ADAMTS18: variants seen among roughly 807,000 people sequenced by gnomAD.
ADAMTS18 encodes ADAM metallopeptidase with thrombospondin type 1 motif 18.
Under a neutral mutation model 165.9 loss-of-function variants are expected in ADAMTS18, and 157 were observed. That is an observed-to-expected ratio of 0.95 (90% CI 0.83 to 1.08). The LOEUF is 1.08. Among genes scored for constraint, ADAMTS18 ranks in the 50% least tolerant of loss-of-function variants. ADAMTS18 has a pLI of 0.00. For missense variants in ADAMTS18, 2,040 were observed against 1,534.0 expected (o/e 1.33, Z -5.51); for synonymous variants, 782 against 578.2 (o/e 1.35, Z -5.06).
In ADAMTS18 at chr16:77,283,924, C is replaced by A. The variant is rs563300881; in HGVS notation, c.*32G>T. On this transcript the variant is annotated 3_prime_UTR_variant, in exon 23 of 23. Coordinates refer to ENST00000282849, the MANE Select transcript of ADAMTS18 (RefSeq NM_199355.4). ...TCTCTAGAGGTTGAAAGGTAAGCCCCTGGCCCTAAGGTGCTGGGGAGGACA... is the reference window on the plus strand; with the variant it reads ...TCTCTAGAGGTTGAAAGGTAAGCCCATGGCCCTAAGGTGCTGGGGAGGACA... The A allele has an allele frequency of 1.3e-6, 2 of 1,553,480 alleles. No individual in the cohort carries two copies. Among genetic ancestry groups the A allele is most frequent in the African/African-American group, 1.4e-5 (1 of 73,660 alleles).
intron 3 of ADAMTS18, among the ~76,000 whole-genome samples, chr16:77,417,196 C>T (rs1424540660): frequency 1.3e-5 from 2 of 151,960 alleles, no homozygotes; most frequent in Non-Finnish European, 2.9e-5. Context: ...TTCTTATAGT[C>T]TGTCATAATG....
intron 10 of ADAMTS18, among the ~76,000 whole-genome samples, chr16:77,346,038 T>G (rs1299581825): frequency 6.6e-6 from 1 of 152,156 alleles, no homozygotes; most frequent in Non-Finnish European, 1.5e-5. Context: ...AACACTCAAA[T>G]TTTGCTCCCA....
chr16:77,292,017 C>G (rs1051222454), intron 20 of ADAMTS18, among the ~76,000 whole-genome samples: 1 of 152,132 alleles, frequency 6.6e-6, no homozygotes, highest in African/African-American at 2.4e-5. Flanking sequence ...GGAAAAATAT[C>G]CTTTTAGGCT....
chr16:77,358,084 G>A (rs938993731), intron 8 of ADAMTS18, among the ~76,000 whole-genome samples: 1 of 152,156 alleles, frequency 6.6e-6, no homozygotes, highest in Non-Finnish European at 1.5e-5. Context: ...TGCTTTGTAT[G>A]AGAAGCATTG....
chr16:77,379,740 C>A (rs568322940), intron 3 of ADAMTS18, among the ~76,000 whole-genome samples: 1 of 152,232 alleles, frequency 6.6e-6, no homozygotes, highest in South Asian at 2.1e-4. Flanking sequence ...ATCCACCCAC[C>A]TCGGCCTCTC....
At chr16:77,422,763 C>A (rs1277212247) in intron 3 of ADAMTS18, among the ~76,000 whole-genome samples, 2 of 152,152 alleles carry the variant, frequency 1.3e-5, no homozygotes, top group African/African-American at 4.8e-5. Flanking sequence ...CTACTTACTA[C>A]TGAAAGTCTT....
At chr16:77,347,784 T>G (rs1291008485) in intron 10 of ADAMTS18, among the ~76,000 whole-genome samples, 1 of 152,196 alleles carries the variant, frequency 6.6e-6, no homozygotes, top group Admixed American at 6.5e-5. Context: ...TCTAGGTAGA[T>G]AATATGAGAG....
Position 77,349,524 on chromosome 16 carries a change from T to TAAAAAA in ADAMTS18, c.1614+4203_1614+4208dup, listed in dbSNP as rs767997537. 1.8e-3 allele frequency among the ~76,000 whole-genome samples: 131 copies of TAAAAAA among 71,516 alleles called. 6 individuals are homozygous for TAAAAAA. Among genetic ancestry groups the TAAAAAA allele is most frequent in the African/African-American group, 7.0e-3 (119 of 17,070 alleles). 46.9% of individuals were successfully genotyped at this position (71,516 alleles called of 152,430 possible). A position where few individuals can be genotyped will look rare whatever the true frequency, so the allele number is the denominator to read the frequency against. The stretch of plus-strand genomic sequence containing the variant: ...CCCCATTTGTTTATGTCATCTTATG[T>TAAAAAA]AAAAAAAAAAAAAAAAAAAAAAAAG... On this transcript the variant is annotated intron_variant, in intron 10 of 22. Transcript: ENST00000282849.
intron 11 of ADAMTS18, among the ~76,000 whole-genome samples, chr16:77,340,765 G>C (rs2056386147): frequency 6.6e-6 from 1 of 151,800 alleles, no homozygotes; most frequent in Non-Finnish European, 1.5e-5. Context: ...TAGAGATAGG[G>C]TCTCGCTGTG....
At chr16:77,371,913 A>G (rs1222255319) in intron 3 of ADAMTS18, among the ~76,000 whole-genome samples, 1 of 152,186 alleles carries the variant, frequency 6.6e-6, no homozygotes, top group Non-Finnish European at 1.5e-5. Flanking sequence ...AACTCAAACA[A>G]CTCATCAGCA....
intron 11 of ADAMTS18, among the ~76,000 whole-genome samples, chr16:77,338,258 C>T (rs1202590753): frequency 1.3e-5 from 2 of 151,926 alleles, no homozygotes; most frequent in African/African-American, 4.8e-5. Flanking sequence ...TGTTTTTAGA[C>T]AGGTTATCAC....
intron 3 of ADAMTS18, among the ~76,000 whole-genome samples, chr16:77,371,204 G>A (rs1235293865): frequency 6.6e-6 from 1 of 150,890 alleles, no homozygotes; most frequent in Non-Finnish European, 1.5e-5. Context: ...GACAGAGCAA[G>A]ACTCTGACTC....
At chr16:77,339,546 T>C (rs962349257) in intron 11 of ADAMTS18, among the ~76,000 whole-genome samples, 3 of 152,026 alleles carry the variant, frequency 2.0e-5, no homozygotes, top group East Asian at 3.9e-4. Context: ...TCATTCATTA[T>C]ATAAATATTT....
intron 3 of ADAMTS18, among the ~76,000 whole-genome samples, chr16:77,375,890 C>CTTTTTCTT: frequency 1.1e-5 from 1 of 93,904 alleles, no homozygotes; most frequent in Non-Finnish European, 2.1e-5. Flanking sequence ...TCTTTCTTTC[C>CTTTTTCTT]TTTTTTTTTT....
intron 3 of ADAMTS18, among the ~76,000 whole-genome samples, chr16:77,428,026 C>G (rs1437008650): frequency 1.3e-5 from 2 of 152,174 alleles, no homozygotes; most frequent in Non-Finnish European, 2.9e-5. Context: ...AGTACTTTGT[C>G]AAATCATTTA....
intron 17 of ADAMTS18, 87 bp from the exon 18 acceptor site, chr16:77,297,502 T>C (rs2055497138): frequency 7.3e-7 from 1 of 1,366,208 alleles, no homozygotes; most frequent in East Asian, 2.3e-5. Flanking sequence ...TTACCAGCAT[T>C]GTGATATTTT....
intron 12 of ADAMTS18, among the ~76,000 whole-genome samples, chr16:77,326,372 G>A (rs1377770781): frequency 6.6e-6 from 1 of 151,984 alleles, no homozygotes; most frequent in African/African-American, 2.4e-5. Context: ...GATGAAAGAA[G>A]TTTTACTTTT....
chr16:77,400,505 G>A (rs530079927), intron 3 of ADAMTS18, among the ~76,000 whole-genome samples: 144 of 143,604 alleles, frequency 1.0e-3, no homozygotes, highest in African/African-American at 3.2e-3. Context: ...TTTTTGAGAC[G>A]GAGTCTCGCT....
At chr16:77,364,736 G>A (rs971699754) in intron 4 of ADAMTS18, among the ~76,000 whole-genome samples, 1 of 126,254 alleles carries the variant, frequency 7.9e-6, no homozygotes, top group Non-Finnish European at 1.6e-5. Context: ...GAAAAAAAAA[G>A]AAAGAAAGAA....
Sources: gnomAD v4.1 joint callset for allele counts (sites outside exome capture counted in the v4.1 genomes callset) on GRCh38, gnomAD v4.1.1 for gene constraint, MANE v1.5 for transcripts, NCBI Gene and HGNC (gene_info 2026-07-23, HGNC 2026-07-21) for gene names.